The following CACNA2D3 variants were observed in gnomAD, a reference collection of about 807,000 sequenced individuals.
CACNA2D3 encodes calcium voltage-gated channel auxiliary subunit alpha2delta 3.
CACNA2D3 carries 60 observed loss-of-function variants against 160.6 expected under a neutral mutation model. That is an observed-to-expected ratio of 0.37 (90% CI 0.30 to 0.46). The LOEUF (loss-of-function observed/expected upper bound fraction) is 0.46, where lower values mean the gene tolerates loss of function less well. CACNA2D3 is among the 20% of genes least tolerant of loss of function. The pLI, the probability that CACNA2D3 is intolerant of heterozygous loss-of-function variation, is 1.00. For synonymous variants in CACNA2D3, 558 were observed against 492.9 expected, an observed-to-expected ratio of 1.13 and a Z score of -1.75; for missense variants, 1,205 against 1,365.0, an observed-to-expected ratio of 0.88 and a Z score of 1.85.
intron 17 of CACNA2D3, among the ~76,000 whole-genome samples, chr3:54,868,986 T>G (rs572517529): frequency 7.9e-5 from 12 of 152,372 alleles, no homozygotes; most frequent in Admixed American, 5.9e-4. Context: ...CTATTGTTTT[T>G]ACCCATTTTG....
intron 35 of CACNA2D3, among the ~76,000 whole-genome samples, chr3:55,066,572 C>G (rs901994014): frequency 1.3e-5 from 2 of 152,082 alleles, no homozygotes; most frequent in African/African-American, 2.4e-5. Flanking sequence ...CTCAGGAAAG[C>G]CCCTCTCGGA....
intron 4 of CACNA2D3, among the ~76,000 whole-genome samples, chr3:54,417,566 A>G (rs1045086357): frequency 6.6e-6 from 1 of 152,182 alleles, no homozygotes; most frequent in Non-Finnish European, 1.5e-5. Context: ...AAATCTAGCA[A>G]CTTCTACAGA....
intron 4 of CACNA2D3, among the ~76,000 whole-genome samples, chr3:54,393,518 A>T (rs1185328537): frequency 6.6e-6 from 1 of 152,158 alleles, no homozygotes; most frequent in Non-Finnish European, 1.5e-5. Context: ...AGCTGCTGCT[A>T]CATGCTACCC....
chr3:54,703,098 G>C (rs960643221), intron 11 of CACNA2D3, among the ~76,000 whole-genome samples: 1 of 152,090 alleles, frequency 6.6e-6, no homozygotes, highest in East Asian at 1.9e-4. Context: ...GTGGGAGGAG[G>C]GTGAGGATCA....
intron 10 of CACNA2D3, 128 bp from the exon 11 acceptor site, chr3:54,642,000 T>G: frequency 3.8e-6 from 2 of 531,938 alleles, no homozygotes; most frequent in Non-Finnish European, 6.6e-6. Flanking sequence ...TATAGGTTGT[T>G]TTGGTGGTGG....
chr3:54,684,507 C>T (rs1700413608), intron 11 of CACNA2D3, among the ~76,000 whole-genome samples: 1 of 152,182 alleles, frequency 6.6e-6, no homozygotes, highest in African/African-American at 2.4e-5. Flanking sequence ...TCTGAAGTTA[C>T]CTGTTTTGCC....
intron 27 of CACNA2D3, among the ~76,000 whole-genome samples, chr3:54,931,830 A>G (rs1056687701): frequency 6.6e-6 from 1 of 152,218 alleles, no homozygotes; most frequent in African/African-American, 2.4e-5. Context: ...AAAATTGACA[A>G]TGTCTTGAAA....
intron 2 of CACNA2D3, among the ~76,000 whole-genome samples, chr3:54,248,552 A>T (rs968133750): frequency 1.3e-5 from 2 of 152,152 alleles, no homozygotes; most frequent in East Asian, 3.9e-4. Flanking sequence ...AGTAGGACCG[A>T]TGTCCTTATA....
chr3:54,276,382 A>G (rs377284553), intron 2 of CACNA2D3, among the ~76,000 whole-genome samples: 4 of 152,232 alleles, frequency 2.6e-5, no homozygotes, highest in African/African-American at 7.2e-5. Context: ...CAGCCTGGCC[A>G]CCACGGCGAA....
Position 54,481,402 on chromosome 3 carries a change from C to A in CACNA2D3, c.382-22090C>A, listed in dbSNP as rs550770299. ...TAAGTTGTGTGATCTCCATTTCCAGCCTCTGGAAAACCTGTGGCTAATATT... is the reference window on the plus strand; with the variant it reads ...TAAGTTGTGTGATCTCCATTTCCAGACTCTGGAAAACCTGTGGCTAATATT... On this transcript the variant is annotated intron_variant, in intron 4 of 37. Transcript: ENST00000474759. 5.3e-5 allele frequency among the ~76,000 whole-genome samples: 8 copies of A among 152,246 alleles called. No individual in the cohort carries two copies. In the East Asian group the frequency reaches 1.5e-3, roughly 29 times the overall value.
intron 27 of CACNA2D3, among the ~76,000 whole-genome samples, chr3:54,945,720 T>A (rs537238974): frequency 1.3e-5 from 2 of 152,314 alleles, no homozygotes; most frequent in South Asian, 4.1e-4. Context: ...ACTACCCCAT[T>A]AGGTGTCTAT....
At chr3:54,767,436 G>T (rs1020842025) in intron 13 of CACNA2D3, among the ~76,000 whole-genome samples, 4 of 152,162 alleles carry the variant, frequency 2.6e-5, no homozygotes, top group African/African-American at 9.7e-5. Context: ...CATTTTGTGA[G>T]TATGGAGGTA....
chr3:54,158,731 T>C (rs1700286923), intron 2 of CACNA2D3, among the ~76,000 whole-genome samples: 1 of 152,244 alleles, frequency 6.6e-6, no homozygotes, highest in Non-Finnish European at 1.5e-5. Context: ...TTTCATTTGC[T>C]CACTTAGCAA....
At chr3:54,778,075 A>T (rs1017001098) in intron 13 of CACNA2D3, among the ~76,000 whole-genome samples, 2 of 152,176 alleles carry the variant, frequency 1.3e-5, no homozygotes, top group African/African-American at 4.8e-5. Context: ...TGAACATCTC[A>T]GTCTTTTCCT....
chr3:54,385,434 C>T (rs757999535), intron 3 of CACNA2D3, among the ~76,000 whole-genome samples: 3 of 152,188 alleles, frequency 2.0e-5, no homozygotes, highest in Non-Finnish European at 4.4e-5. Context: ...GCTCTGGCCT[C>T]TGATGTTCTC....
At chr3:54,191,852 A>T (rs542190137) in intron 2 of CACNA2D3, among the ~76,000 whole-genome samples, 1 of 152,302 alleles carries the variant, frequency 6.6e-6, no homozygotes, top group Non-Finnish European at 1.5e-5. Context: ...CCGGTAGTCA[A>T]TGAAGGGCCC....
At chr3:54,401,848 T>C (rs565432229) in intron 4 of CACNA2D3, among the ~76,000 whole-genome samples, 1 of 152,312 alleles carries the variant, frequency 6.6e-6, no homozygotes, top group South Asian at 2.1e-4. Context: ...TCCAGAATAC[T>C]TCATTGTTGA....
chr3:54,278,958 A>T (rs955540708), intron 2 of CACNA2D3, among the ~76,000 whole-genome samples: 1 of 152,186 alleles, frequency 6.6e-6, no homozygotes, highest in Non-Finnish European at 1.5e-5. Flanking sequence ...TGTTCTGCAC[A>T]TGTATCCCAA....
Position 55,050,749 on chromosome 3 carries a change from C to T in CACNA2D3, c.2988-22696C>T, listed in dbSNP as rs1164860864. Among the ~76,000 whole-genome samples, 3 of 131,640 alleles carry T rather than the reference C, an allele frequency of 2.3e-5. 1 individual carries two copies. The highest frequency in any genetic ancestry group is 6.8e-5 in the African/African-American group (2 of 29,508). The allele number at this position is 131,640 out of a possible 152,430, so 86.4% of individuals were successfully genotyped here. ...ATCACTTTCAGGTACACCAATCAGA[C>T]GTAGATTTGGTCTTTTCACATAGTC... On this transcript the variant is annotated intron_variant, in intron 35 of 37. Coordinates refer to ENST00000474759, the MANE Select transcript of CACNA2D3 (RefSeq NM_018398.3).
Sources: allele counts gnomAD v4.1 joint callset (sites outside exome capture counted in the v4.1 genomes callset), GRCh38; gene constraint gnomAD v4.1.1; transcripts MANE v1.5; gene names NCBI Gene and HGNC (gene_info 2026-07-23, HGNC 2026-07-21).